Variants in TSPAN15 observed in about 807,000 individuals in gnomAD.
TSPAN15 encodes the protein tetraspanin 15, also known as tetraspanin-15.
A neutral mutation model predicts 34.5 loss-of-function variants in TSPAN15; 20 were observed. The observed-to-expected ratio is 0.58, with a 90% CI of 0.41 to 0.84. The LOEUF (loss-of-function observed/expected upper bound fraction) is 0.84. Among genes scored for constraint, TSPAN15 ranks in the 40% least tolerant of loss-of-function variants. TSPAN15 has a pLI of 0.00. For synonymous variants in TSPAN15, 155 were observed against 153.9 expected (o/e 1.01, Z -0.05); for missense variants, 313 against 386.1 (o/e 0.81, Z 1.59).
At chr10:69,473,114 C>G (rs534498886) in intron 1 of TSPAN15, among the ~76,000 whole-genome samples, 2 of 152,138 alleles carry the variant, frequency 1.3e-5, no homozygotes, top group Non-Finnish European at 2.9e-5. Context: ...GAGAGATATC[C>G]CTATAGCTGG....
At chr10:69,502,441 G>C (rs1842230393) in intron 5 of TSPAN15, among the ~76,000 whole-genome samples, 1 of 152,160 alleles carries the variant, frequency 6.6e-6, no homozygotes, top group Non-Finnish European at 1.5e-5. Flanking sequence ...GTCCCCATTA[G>C]CTGCTCAGTC....
chr10:69,484,172 A>G, intron 2 of TSPAN15: 1 of 299,030 alleles, frequency 3.3e-6, no homozygotes, highest in Admixed American at 4.5e-5. Context: ...CAAAAAAAGG[A>G]GATGGTAGTG....
the TSPAN15 span, among the ~76,000 whole-genome samples, chr10:69,530,812 CTCTCTCTCTATATATA>C: frequency 2.2e-3 from 148 of 66,648 alleles, no homozygotes; most frequent in Middle Eastern, 0.013. Flanking sequence ...CTCTCTCTCT[CTCTCTCTCTATATATA>C]TATATATATA....
At chr10:69,459,943 A>G (rs1841210207) in intron 1 of TSPAN15, among the ~76,000 whole-genome samples, 1 of 148,504 alleles carries the variant, frequency 6.7e-6, no homozygotes, top group African/African-American at 2.5e-5. Context: ...GAATGGAGGG[A>G]GACTCTAGGG....
intron 1 of TSPAN15, among the ~76,000 whole-genome samples, chr10:69,463,320 T>C (rs1244182755): frequency 2.6e-5 from 4 of 152,212 alleles, no homozygotes; most frequent in African/African-American, 9.7e-5. Context: ...ACTGCAGTTC[T>C]GGCCTCCATA....
intron 1 of TSPAN15, among the ~76,000 whole-genome samples, chr10:69,478,774 A>C (rs1841670090): frequency 6.6e-6 from 1 of 152,244 alleles, no homozygotes; most frequent in African/African-American, 2.4e-5. Context: ...TTGATGTAAT[A>C]ATGTGCAACT....
the TSPAN15 span, chr10:69,523,351 C>T: frequency 1.8e-6 from 1 of 552,880 alleles, no homozygotes. Context: ...CAGGCTCCCT[C>T]CCACAGGGGC....
intron 5 of TSPAN15, among the ~76,000 whole-genome samples, chr10:69,503,905 C>T (rs1476766302): frequency 6.6e-6 from 1 of 152,138 alleles, no homozygotes; most frequent in Admixed American, 6.5e-5. Context: ...TTCTGGAGAG[C>T]ACCTCTCTTC....
intron 4 of TSPAN15, among the ~76,000 whole-genome samples, chr10:69,497,103 G>A (rs575385107): frequency 5.9e-5 from 9 of 152,202 alleles, no homozygotes; most frequent in Non-Finnish European, 1.2e-4. Flanking sequence ...ACTTGCCTGA[G>A]GTTGCACAGC....
At chr10:69,464,403 G>A (rs1841337086) in intron 1 of TSPAN15, among the ~76,000 whole-genome samples, 1 of 152,194 alleles carries the variant, frequency 6.6e-6, no homozygotes, top group Admixed American at 6.5e-5. Context: ...GAGGGGTTGG[G>A]GGAGGAGTGA....
At chr10:69,477,546 C>T (rs1212069953) in intron 1 of TSPAN15, among the ~76,000 whole-genome samples, 5 of 152,202 alleles carry the variant, frequency 3.3e-5, no homozygotes, top group African/African-American at 9.6e-5. Context: ...TCGAATTTAA[C>T]TTAAAGCAAA....
At chr10:69,523,315 G>A in the TSPAN15 span, 8 of 482,996 alleles carry the variant, frequency 1.7e-5, no homozygotes, top group Non-Finnish European at 3.0e-5. Context: ...AACTCAAAGA[G>A]CCAAAGAAAG....
At chr10:69,504,629 T>G in intron 6 of TSPAN15, 144 bp downstream of exon 6, 1 of 845,398 alleles carries the variant, frequency 1.2e-6, no homozygotes, top group Non-Finnish European at 1.9e-6. Flanking sequence ...AGGACTGCTG[T>G]GGTTTTCCAC....
At chr10:69,511,528 T>A (rs1260134610), downstream of TSPAN15, among the ~76,000 whole-genome samples, 1 of 152,240 alleles carries the variant, frequency 6.6e-6, no homozygotes, top group Admixed American at 6.5e-5. Context: ...CACCAGCTCC[T>A]GGATTCATTG....
chr10:69,472,923 G>A (rs939404044), intron 1 of TSPAN15, among the ~76,000 whole-genome samples: 5 of 152,176 alleles, frequency 3.3e-5, no homozygotes, highest in African/African-American at 1.2e-4. Context: ...TGCATAGTAC[G>A]TGCAGACTGT....
At chr10:69,484,635 G>A (rs1384440572) in intron 2 of TSPAN15, among the ~76,000 whole-genome samples, 1 of 152,230 alleles carries the variant, frequency 6.6e-6, no homozygotes, top group Non-Finnish European at 1.5e-5. Flanking sequence ...GCTGAAATCA[G>A]TTTGGGTAAT....
chr10:69,507,616 C>G lies in TSPAN15; in HGVS notation c.*638C>G. The stretch of plus-strand genomic sequence containing the variant: ...CCCGCATGTCTTATTCTTGCCCTTC[C>G]CCCAACCAGTTTGTTAATCAAACAA... On this transcript the variant is annotated 3_prime_UTR_variant, in exon 8 of 8. Coordinates refer to ENST00000373290, the MANE Select transcript of TSPAN15 (RefSeq NM_012339.5). The G allele has an allele frequency of 7.7e-7, 1 of 1,300,076 alleles. No homozygotes were observed. Among genetic ancestry groups the G allele is most frequent in the Non-Finnish European group, 1.0e-6 (1 of 987,976 alleles). The allele number at this position is 1,300,076 out of a possible 1,614,324, so 80.5% of individuals were successfully genotyped here.
intron 1 of TSPAN15, 68 bp from the exon 2 acceptor site, chr10:69,483,623 G>A: frequency 6.6e-7 from 1 of 1,524,996 alleles, no homozygotes. Flanking sequence ...CACAGCCCCA[G>A]ATGACTCTTT....
At chr10:69,479,464 T>C (rs1841685543) in intron 1 of TSPAN15, among the ~76,000 whole-genome samples, 1 of 152,232 alleles carries the variant, frequency 6.6e-6, no homozygotes, top group South Asian at 2.1e-4. Flanking sequence ...TGGGCTTGGC[T>C]GTGGGCTGCC....
Sources: allele counts gnomAD v4.1 joint callset (sites outside exome capture counted in the v4.1 genomes callset), GRCh38; gene constraint gnomAD v4.1.1; transcripts MANE v1.5; gene names NCBI Gene and HGNC (gene_info 2026-07-23, HGNC 2026-07-21).